Variants in SAMD12 observed in about 807,000 individuals in gnomAD.
SAMD12 encodes the protein sterile alpha motif domain-containing protein 12.
Under a neutral mutation model 15.0 loss-of-function variants are expected in SAMD12, and 9 were observed. The observed-to-expected ratio is 0.60, with a 90% CI of 0.36 to 1.05. The LOEUF (loss-of-function observed/expected upper bound fraction) is 1.05. SAMD12 is among the 50% of genes least tolerant of loss of function. SAMD12 has a pLI of 0.01. For missense variants in SAMD12, 230 were observed against 234.2 expected (o/e 0.98, Z 0.12); for synonymous variants, 86 against 90.1 (o/e 0.96, Z 0.25).
chr8:118,582,448 T>G (rs141674255), intron 1 of SAMD12, among the ~76,000 whole-genome samples: 341 of 152,290 alleles, frequency 2.2e-3, no homozygotes, highest in African/African-American at 7.8e-3. Context: ...AAAAACAAAC[T>G]GATTGCACAA....
chr8:118,389,520 A>G (rs1050023750), intron 3 of SAMD12, among the ~76,000 whole-genome samples: 1 of 152,204 alleles, frequency 6.6e-6, no homozygotes, highest in Admixed American at 6.5e-5. Context: ...CCTGGCCAAC[A>G]TGGTGAAACC....
chr8:118,224,312 T>G (rs1211527608), intron 4 of SAMD12, among the ~76,000 whole-genome samples: 1 of 152,174 alleles, frequency 6.6e-6, no homozygotes. Context: ...AGGAGTTCAA[T>G]GAAGTAAGGA....
chr8:118,440,699 C>CACACAA (rs933936822), intron 2 of SAMD12, among the ~76,000 whole-genome samples: 9 of 131,110 alleles, frequency 6.9e-5, no homozygotes, highest in East Asian at 6.6e-4. Flanking sequence ...CACACACAAA[C>CACACAA]ACACACACAC....
intron 2 of SAMD12, among the ~76,000 whole-genome samples, chr8:118,540,069 T>G (rs184077760): frequency 1.3e-5 from 2 of 152,344 alleles, no homozygotes; most frequent in Admixed American, 1.3e-4. Context: ...CTCTGCTTCT[T>G]ATAACAAGAG....
intron 3 of SAMD12, among the ~76,000 whole-genome samples, chr8:118,427,922 G>A (rs531932835): frequency 1.1e-4 from 16 of 152,210 alleles, no homozygotes; most frequent in South Asian, 4.1e-4. Flanking sequence ...TGTGTGCCAC[G>A]TCCGCAGCAA....
intron 2 of SAMD12, among the ~76,000 whole-genome samples, chr8:118,505,593 A>G (rs1180387206): frequency 1.3e-5 from 2 of 151,998 alleles, no homozygotes; most frequent in East Asian, 3.9e-4. Context: ...TGTAAAAGCC[A>G]CATGCTAAGG....
intron 3 of SAMD12, among the ~76,000 whole-genome samples, chr8:118,438,660 C>A (rs1352113656): frequency 6.6e-6 from 1 of 152,016 alleles, no homozygotes; most frequent in East Asian, 1.9e-4. Context: ...AAGAGCTGAA[C>A]TGCAAAAAGA....
the SAMD12 span, among the ~76,000 whole-genome samples, chr8:118,131,993 G>C: frequency 1.1e-4 from 17 of 152,060 alleles, no homozygotes; most frequent in Admixed American, 1.1e-3. Context: ...AATGGGTATG[G>C]TATACCCCAA....
intron 4 of SAMD12, among the ~76,000 whole-genome samples, chr8:118,242,812 A>G (rs1243950284): frequency 6.6e-6 from 1 of 152,200 alleles, no homozygotes; most frequent in African/African-American, 2.4e-5. Context: ...AACTATGCTC[A>G]AAGTCCCTGA....
At chr8:118,291,045 T>C (rs1293855849) in intron 4 of SAMD12, among the ~76,000 whole-genome samples, 1 of 152,220 alleles carries the variant, frequency 6.6e-6, no homozygotes, top group Non-Finnish European at 1.5e-5. Context: ...AACTGAAATG[T>C]TGGCTTACAA....
At chr8:118,470,420 C>T (rs1307055997) in intron 2 of SAMD12, among the ~76,000 whole-genome samples, 1 of 152,122 alleles carries the variant, frequency 6.6e-6, no homozygotes, top group East Asian at 1.9e-4. Context: ...CTTGTACTTT[C>T]CTCTGTTTTT....
intron 2 of SAMD12, among the ~76,000 whole-genome samples, chr8:118,465,176 G>A (rs1377971039): frequency 2.0e-5 from 3 of 152,160 alleles, no homozygotes; most frequent in Non-Finnish European, 4.4e-5. Flanking sequence ...GGGTAGGGTG[G>A]GGGAAGAGGG....
At position 118,279,936 on chromosome 8, in the gene SAMD12, G is replaced by A. The variant is rs551411622; in HGVS notation, c.434-82204C>T. ...CAGACAACACACAAAAACACAGGACGCACATGCCCTATGTTGGCAAGTTTC... is the reference window on the plus strand; with the variant it reads ...CAGACAACACACAAAAACACAGGACACACATGCCCTATGTTGGCAAGTTTC... On this transcript the variant is annotated intron_variant, in intron 4 of 4. Transcript: ENST00000409003. Among the ~76,000 whole-genome samples, 26 of 152,276 alleles carry A rather than the reference G, an allele frequency of 1.7e-4. No homozygotes were observed. In the South Asian group the frequency reaches 2.7e-3, roughly 16 times the overall value.
rs1002236979 is a variant in SAMD12 at position 118,378,278 on chromosome 8, T to G, written c.*1139A>C. On this transcript the variant is annotated 3_prime_UTR_variant, in exon 4 of 4. Coordinates refer to ENST00000314727, the MANE Select transcript of SAMD12 (RefSeq NM_207506.3). ...TGGACCTCTAGGTTGCTTGTAAATT[T>G]TCCGTTTTCCAAATAGCACTGTGAC... 2.0e-5 allele frequency: 10 copies of G among 502,630 alleles called. No homozygotes were observed. The highest frequency in any genetic ancestry group is 2.6e-5 in the Non-Finnish European group (10 of 389,454). 31.1% of individuals were successfully genotyped at this position (502,630 alleles called of 1,614,324 possible).
At chr8:118,490,869 G>T (rs1824422488) in intron 2 of SAMD12, among the ~76,000 whole-genome samples, 2 of 152,030 alleles carry the variant, frequency 1.3e-5, no homozygotes, top group African/African-American at 4.8e-5. Flanking sequence ...AGTGAGGCTG[G>T]GAAATGAAGC....
chr8:118,313,498 T>C (rs779791652), intron 4 of SAMD12, among the ~76,000 whole-genome samples: 6 of 152,090 alleles, frequency 3.9e-5, no homozygotes, highest in East Asian at 3.9e-4. Context: ...AGTGACTCTA[T>C]TGGCAACCCC....
the SAMD12 span, among the ~76,000 whole-genome samples, chr8:118,160,151 C>T: frequency 6.6e-6 from 1 of 152,128 alleles, no homozygotes; most frequent in Non-Finnish European, 1.5e-5. Context: ...CAAAGTAAAA[C>T]TCATAATATT....
At chr8:118,366,879 AATAAT>A (rs1563800028) in intron 4 of SAMD12, among the ~76,000 whole-genome samples, 2 of 24,106 alleles carry the variant, frequency 8.3e-5, no homozygotes, top group Non-Finnish European at 1.5e-4. Flanking sequence ...AATAAAATAA[AATAAT>A]AAAATAAAAT....
At chr8:118,251,780 A>G (rs997265294) in intron 4 of SAMD12, among the ~76,000 whole-genome samples, 1 of 151,588 alleles carries the variant, frequency 6.6e-6, no homozygotes, top group African/African-American at 2.4e-5. Flanking sequence ...AACCTCAAAG[A>G]CCTTGTCTCT....
Sources: gnomAD v4.1 joint callset for allele counts (sites outside exome capture counted in the v4.1 genomes callset) on GRCh38, gnomAD v4.1.1 for gene constraint, MANE v1.5 for transcripts, NCBI Gene and HGNC (gene_info 2026-07-23, HGNC 2026-07-21) for gene names.